The following CAPN14 variants were observed in gnomAD, a reference collection of about 807,000 sequenced individuals.
The protein encoded by CAPN14 is calpain 14, also known as calpain-14.
CAPN14 carries 94 observed loss-of-function variants against 101.3 expected under a neutral mutation model. The observed-to-expected ratio is 0.93, with a 90% CI of 0.79 to 1.10. The LOEUF is 1.10. Among genes scored for constraint, CAPN14 ranks in the 50% least tolerant of loss-of-function variants. CAPN14 has a pLI of 0.00. For synonymous variants in CAPN14, 338 were observed against 317.9 expected, an observed-to-expected ratio of 1.06 and a Z score of -0.67; for missense variants, 837 against 828.4, an observed-to-expected ratio of 1.01 and a Z score of -0.13.
chr2:31,224,409 G>A (rs1267587966), intron 2 of CAPN14, among the ~76,000 whole-genome samples: 2 of 152,098 alleles, frequency 1.3e-5, no homozygotes, highest in Admixed American at 6.5e-5. Flanking sequence ...AAAAATAAGT[G>A]TTCAAAGAGA....
At chr2:31,208,739 A>G (rs1682236399) in intron 1 of CAPN14, among the ~76,000 whole-genome samples, 1 of 152,194 alleles carries the variant, frequency 6.6e-6, no homozygotes, top group Admixed American at 6.5e-5. Flanking sequence ...GCTCTCTACA[A>G]AGGGCCAGAT....
chr2:31,185,706 T>G (rs1283794823), intron 16 of CAPN14, among the ~76,000 whole-genome samples: 1 of 152,224 alleles, frequency 6.6e-6, no homozygotes. Flanking sequence ...AAACCCTGAA[T>G]CACACAATAG....
In CAPN14 at chr2:31,173,080, T is replaced by A. The variant is rs1423094282; in HGVS notation, c.*1601A>T. The A allele has an allele frequency of 1.3e-5, 2 of 152,178 alleles. No homozygotes were observed. Among genetic ancestry groups the A allele is most frequent in the Non-Finnish European group, 2.9e-5 (2 of 68,032 alleles). 9.4% of individuals were successfully genotyped at this position (152,178 alleles called of 1,614,324 possible). On this transcript the variant is annotated 3_prime_UTR_variant, in exon 22 of 22. Transcript: ENST00000403897. ...CTTCAGGGGCCAAGGCAAAATTGGT[T>A]TATTAAAACAGCTATTTGCAATGGC...
intron 9 of CAPN14, 111 bp from the exon 10 acceptor site, chr2:31,193,405 C>T: frequency 9.5e-7 from 1 of 1,057,024 alleles, no homozygotes; most frequent in Non-Finnish European, 1.4e-6. Context: ...CTCTCATGGA[C>T]AAAGACACCA....
intron 17 of CAPN14, 66 bp downstream of exon 17, chr2:31,180,870 C>G (rs1680558532): frequency 7.3e-7 from 1 of 1,375,434 alleles, no homozygotes; most frequent in Admixed American, 2.0e-5. Context: ...CAAATATACT[C>G]TGCCTAGCTC....
chr2:31,182,201 A>G (rs1680680554), intron 16 of CAPN14, among the ~76,000 whole-genome samples: 1 of 151,572 alleles, frequency 6.6e-6, no homozygotes. Context: ...AATAAGAGCT[A>G]TCTATGACAA....
In CAPN14 at chr2:31,197,305, G is replaced by C. The variant is rs374113994; in HGVS notation, c.819C>G (p.Leu273=). 6.4e-7 allele frequency: 1 copy of C among 1,550,984 alleles called. No homozygotes were observed. The highest frequency in any genetic ancestry group is 8.7e-7 in the Non-Finnish European group (1 of 1,146,050). Residue 273 remains leucine (L), a synonymous_variant, in exon 8 of 22, where the codon CTC becomes CTG. Coordinates refer to ENST00000403897, the MANE Select transcript of CAPN14 (RefSeq NM_001145122.2). ...KVTCKHRPEY[L]VKLRNPWGKV... ...TTCCCCAGGGGTTCCGTAGCTTGAC[G>C]AGATATTCAGGTCTATGTTTGCAGG...
chr2:31,195,589 G>A (rs2365212), intron 8 of CAPN14, among the ~76,000 whole-genome samples: 30,230 of 151,846 alleles, frequency 0.2, 3,332 homozygotes, highest in East Asian at 0.37. Flanking sequence ...TGCCTTCCTC[G>A]ACCTCCCAAA....
chr2:31,202,839 T>C (rs939809078), intron 3 of CAPN14, among the ~76,000 whole-genome samples: 1 of 152,206 alleles, frequency 6.6e-6, no homozygotes, highest in Non-Finnish European at 1.5e-5. Context: ...GAGGACTATG[T>C]GAGGACTTAG....
chr2:31,194,173 C>T (rs1681355830), intron 9 of CAPN14, among the ~76,000 whole-genome samples: 2 of 152,190 alleles, frequency 1.3e-5, no homozygotes, highest in African/African-American at 4.8e-5. Context: ...GAGGAAACAG[C>T]CTGGCTGAGC....
chr2:31,190,211 T>G (rs1051184630), intron 12 of CAPN14, among the ~76,000 whole-genome samples: 1 of 151,966 alleles, frequency 6.6e-6, no homozygotes, highest in African/African-American at 2.4e-5. Flanking sequence ...TCTCTCTTGC[T>G]TACTCTCCCC....
At chr2:31,225,025 T>C (rs905732620) in intron 2 of CAPN14, among the ~76,000 whole-genome samples, 1 of 152,040 alleles carries the variant, frequency 6.6e-6, no homozygotes, top group Non-Finnish European at 1.5e-5. Context: ...AAGGAGAAGG[T>C]AATTGGCGAA....
At chr2:31,229,394 C>A (rs557584614) in intron 1 of CAPN14, among the ~76,000 whole-genome samples, 11 of 152,088 alleles carry the variant, frequency 7.2e-5, no homozygotes, top group African/African-American at 2.7e-4. Context: ...CTTTGTGCAT[C>A]CAAGGACCAG....
intron 16 of CAPN14, among the ~76,000 whole-genome samples, chr2:31,181,410 C>CTT (rs1318851656): frequency 7.1e-6 from 1 of 140,014 alleles, no homozygotes. Context: ...TTCTTTCTTT[C>CTT]TTTCTTTCTT....
At chr2:31,204,069 C>A (rs1285342519) in intron 2 of CAPN14, among the ~76,000 whole-genome samples, 1 of 152,134 alleles carries the variant, frequency 6.6e-6, no homozygotes, top group Admixed American at 6.6e-5. Context: ...ATCTCTCTGG[C>A]AGATGGTATT....
chr2:31,195,218 T>G (rs1681404792), intron 8 of CAPN14, among the ~76,000 whole-genome samples: 1 of 152,196 alleles, frequency 6.6e-6, no homozygotes. Flanking sequence ...CCTTGCGTCT[T>G]TGGCTGAGCT....
In CAPN14 at chr2:31,230,283, T is replaced by C. The variant is rs1050322801; in HGVS notation, c.-177+3508A>G. Among the ~76,000 whole-genome samples the C allele has an allele frequency of 6.6e-6, 1 of 152,232 alleles. No individual in the cohort carries two copies. Among genetic ancestry groups the C allele is most frequent in the Non-Finnish European group, 1.5e-5 (1 of 68,040 alleles). On this transcript the variant is annotated intron_variant and NMD_transcript_variant, in intron 1 of 21. Transcript: ENST00000398824. The surrounding 1 kb of genome is among the most constrained non-coding windows in gnomAD (Gnocchi z 4.3). Reference sequence around the variant, plus strand: ...TGAAGGACATTTAGTTGTTTATAAATTTTTGCTGCTACAAATAATGTTGCC... The same window carrying C: ...TGAAGGACATTTAGTTGTTTATAAACTTTTGCTGCTACAAATAATGTTGCC...
intron 6 of CAPN14, 33 bp downstream of exon 6, chr2:31,200,418 G>A (rs1445119692): frequency 6.5e-7 from 1 of 1,532,302 alleles, no homozygotes; most frequent in Non-Finnish European, 8.8e-7. Context: ...TGCAGGAGAA[G>A]AGGACATTCT....
chr2:31,211,700 C>CACAT (rs1553397697), intron 1 of CAPN14, among the ~76,000 whole-genome samples: 1 of 149,658 alleles, frequency 6.7e-6, no homozygotes, highest in South Asian at 2.1e-4. Flanking sequence ...CACACACACA[C>CACAT]GATGGGAAGA....
Sources: gnomAD v4.1 joint callset for allele counts (sites outside exome capture counted in the v4.1 genomes callset) on GRCh38, gnomAD v4.1.1 for gene constraint, Gnocchi (gnomAD v3.1) non-coding constraint, MANE v1.5 for transcripts, NCBI Gene and HGNC (gene_info 2026-07-23, HGNC 2026-07-21) for gene names.